CD5L: variants seen among roughly 807,000 people sequenced by gnomAD.
The protein encoded by CD5L is CD5 antigen-like.
In CD5L, 39 loss-of-function variants were observed where a neutral mutation model predicts 40.8. That is an observed-to-expected ratio of 0.96 (90% CI 0.74 to 1.25). The LOEUF (loss-of-function observed/expected upper bound fraction) is 1.25. Among genes scored for constraint, CD5L ranks in the 50% most tolerant of loss-of-function variants. The pLI is 0.00. For missense variants in CD5L, 433 were observed against 435.9 expected, an observed-to-expected ratio of 0.99 and a Z score of 0.06; for synonymous variants, 192 against 169.6, an observed-to-expected ratio of 1.13 and a Z score of -1.03.
intron 1 of CD5L, among the ~76,000 whole-genome samples, chr1:157,840,556 C>A (rs1163251418): frequency 1.3e-5 from 2 of 152,174 alleles, no homozygotes; most frequent in Non-Finnish European, 2.9e-5. Flanking sequence ...TGGCCACTCT[C>A]AGGCTCAATG....
In CD5L at chr1:157,834,439, T is replaced by C; in HGVS notation, c.686A>G (p.Asn229Ser). The C allele has an allele frequency of 1.2e-6, 2 of 1,614,124 alleles. No homozygotes were observed. Among genetic ancestry groups the C allele is most frequent in the Non-Finnish European group, 1.7e-6 (2 of 1,179,966 alleles). ...PSGPWGKNTC[N>S]HDEDTWVECE... The stretch of plus-strand genomic sequence containing the variant: ...TTCGACCCACGTGTCTTCATCATGG[T>C]TGCAGGTGTTCTTCCCCCAAGGCCC... The change falls in exon 4 of 6, where the codon AAC becomes AGC. Residue 229 changes from asparagine to serine, a missense_variant. Transcript: ENST00000368174.
downstream of CD5L, among the ~76,000 whole-genome samples, chr1:157,828,066 G>A (rs1029999192): frequency 6.6e-6 from 1 of 152,194 alleles, no homozygotes; most frequent in African/African-American, 2.4e-5. Context: ...GATGGAGGAA[G>A]GAAAGAAATG....
At chr1:157,833,605 T>C (rs1208023141) in intron 4 of CD5L, 93 bp from the exon 5 acceptor site, 4 of 1,043,586 alleles carry the variant, frequency 3.8e-6, no homozygotes, top group Admixed American at 2.5e-5. Flanking sequence ...TCATTTTGTA[T>C]TTTTTGTATG....
At chr1:157,839,441 C>A in intron 1 of CD5L, 31 bp from the exon 2 acceptor site, 1 of 1,610,262 alleles carries the variant, frequency 6.2e-7, no homozygotes, top group Non-Finnish European at 8.5e-7. Flanking sequence ...TGAGTGAGGT[C>A]AATTTCCAAG....
intron 3 of CD5L, among the ~76,000 whole-genome samples, chr1:157,835,297 C>T (rs550520033): frequency 2.0e-5 from 3 of 152,292 alleles, no homozygotes; most frequent in African/African-American, 2.4e-5. Context: ...AGAGACTACT[C>T]ATACATATAA....
At chr1:157,839,457 A>AT in intron 1 of CD5L, 47 bp from the exon 2 acceptor site, 1 of 1,602,508 alleles carries the variant, frequency 6.2e-7, no homozygotes, top group Non-Finnish European at 8.5e-7. Context: ...CCAAGGCTTT[A>AT]TTCAAAGAAC....
downstream of CD5L, among the ~76,000 whole-genome samples, chr1:157,827,268 ATGTGTGTGTGTGTGTGTG>A (rs4060881): frequency 2.0e-4 from 29 of 143,520 alleles, no homozygotes; most frequent in East Asian, 1.0e-3. Flanking sequence ...CAAATGGTGT[ATGTGTGTGTGTGTGTGTG>A]TGTGTGTGTG....
chr1:157,837,771 ATTTTTTT>A lies in CD5L; in HGVS notation c.55+1606_55+1612del, dbSNP rs55700960. 2.0e-3 allele frequency among the ~76,000 whole-genome samples: 228 copies of A among 111,628 alleles called. 6 individuals are homozygous for A. Among genetic ancestry groups the A allele is most frequent in the Admixed American group, 0.011 (125 of 11,164 alleles). The allele number at this position is 111,628 out of a possible 152,430, so 73.2% of individuals were successfully genotyped here. On this transcript the variant is annotated intron_variant, in intron 2 of 5. Coordinates refer to ENST00000368174, the MANE Select transcript of CD5L (RefSeq NM_005894.3). ...TCAGTGAGAAAACTCTAATCTAGCTATTTTTTTTTTTTTTTTTTTTTTGAGACAGAGT... is the reference window on the plus strand; with the variant it reads ...TCAGTGAGAAAACTCTAATCTAGCTATTTTTTTTTTTTTTTGAGACAGAGT...
At chr1:157,834,858 G>GT in intron 3 of CD5L, 110 bp from the exon 4 acceptor site, 1 of 741,568 alleles carries the variant, frequency 1.3e-6, no homozygotes, top group South Asian at 1.8e-5. Flanking sequence ...TACAAGGCAT[G>GT]CTAAAGTGCT....
chr1:157,841,358 C>T (rs1213589599), intron 1 of CD5L, among the ~76,000 whole-genome samples: 1 of 152,184 alleles, frequency 6.6e-6, no homozygotes, highest in African/African-American at 2.4e-5. Flanking sequence ...CTTGCTGCTG[C>T]CCGGTGCCCA....
intron 5 of CD5L, among the ~76,000 whole-genome samples, chr1:157,832,843 G>A (rs1238151175): frequency 6.6e-6 from 1 of 152,076 alleles, no homozygotes; most frequent in Non-Finnish European, 1.5e-5. Context: ...TGCTTTTGAA[G>A]GTTGCTTATT....
chr1:157,838,877 C>A (rs1350574773), intron 2 of CD5L, among the ~76,000 whole-genome samples: 1 of 152,186 alleles, frequency 6.6e-6, no homozygotes, highest in Non-Finnish European at 1.5e-5. Flanking sequence ...CTCTGTGCAC[C>A]CTTTCCTTGG....
chr1:157,834,781 C>T (rs1656154475), intron 3 of CD5L, 33 bp from the exon 4 acceptor site: 1 of 1,555,524 alleles, frequency 6.4e-7, no homozygotes, highest in Non-Finnish European at 8.8e-7. Flanking sequence ...TGTCTGTTCT[C>T]TGCCAGAACA....
chr1:157,830,516 C>T (rs1449685538), downstream of CD5L, among the ~76,000 whole-genome samples: 1 of 152,176 alleles, frequency 6.6e-6, no homozygotes, highest in East Asian at 1.9e-4. Flanking sequence ...CACTGCACCC[C>T]TCCTCCCACT....
chr1:157,835,775 A>G, intron 3 of CD5L, 60 bp downstream of exon 3: 1 of 1,401,962 alleles, frequency 7.1e-7, no homozygotes, highest in South Asian at 1.3e-5. Flanking sequence ...GAAGACCAAC[A>G]AGAGTGGCCG....
intron 4 of CD5L, among the ~76,000 whole-genome samples, chr1:157,833,769 C>CTTT (rs760277537): frequency 1.4e-4 from 16 of 114,486 alleles, no homozygotes; most frequent in African/African-American, 4.1e-4. Context: ...CAAAGCTCAG[C>CTTT]TTTTTTTTTT....
intron 1 of CD5L, among the ~76,000 whole-genome samples, chr1:157,840,690 G>A (rs1231404812): frequency 2.0e-5 from 3 of 152,192 alleles, no homozygotes; most frequent in Non-Finnish European, 4.4e-5. Context: ...ATATGCAGGT[G>A]CAAACGTGAT....
At chr1:157,837,322 C>A (rs1460785302) in intron 2 of CD5L, among the ~76,000 whole-genome samples, 2 of 151,418 alleles carry the variant, frequency 1.3e-5, no homozygotes, top group Non-Finnish European at 2.9e-5. Context: ...AGGGAAGAGC[C>A]TATTAGACAG....
At chr1:157,828,230 C>G (rs573088825), downstream of CD5L, among the ~76,000 whole-genome samples, 1 of 152,264 alleles carries the variant, frequency 6.6e-6, no homozygotes, top group South Asian at 2.1e-4. Context: ...TAGGGTGCAT[C>G]TAGAAAATGT....
Sources: gnomAD v4.1 joint callset for allele counts (sites outside exome capture counted in the v4.1 genomes callset) on GRCh38, gnomAD v4.1.1 for gene constraint, MANE v1.5 for transcripts, NCBI Gene and HGNC (gene_info 2026-07-23, HGNC 2026-07-21) for gene names.